The following CAMK1D variants were observed in gnomAD, a reference collection of about 807,000 sequenced individuals.
CAMK1D encodes calcium/calmodulin-dependent protein kinase type 1D.
In CAMK1D, 9 loss-of-function variants were observed where a neutral mutation model predicts 47.7. The observed-to-expected ratio is 0.19, with a 90% CI of 0.11 to 0.33. The LOEUF is 0.33. CAMK1D is among the 10% of genes least tolerant of loss of function. The pLI, the probability that CAMK1D is intolerant of heterozygous loss-of-function variation, is 1.00. For synonymous variants in CAMK1D, 184 were observed against 184.9 expected, an observed-to-expected ratio of 0.99 and a Z score of 0.04; for missense variants, 291 against 488.7, an observed-to-expected ratio of 0.60 and a Z score of 3.81.
intron 5 of CAMK1D, among the ~76,000 whole-genome samples, chr10:12,773,143 G>A (rs985885806): frequency 1.3e-5 from 2 of 152,224 alleles, no homozygotes; most frequent in African/African-American, 4.8e-5. Flanking sequence ...ACTGCACTGT[G>A]AGTCTCATGA....
chr10:12,816,924 A>G (rs930634177), intron 8 of CAMK1D, among the ~76,000 whole-genome samples: 1 of 151,974 alleles, frequency 6.6e-6, no homozygotes, highest in Non-Finnish European at 1.5e-5. Flanking sequence ...GCAATTTACA[A>G]AAGGAGGAGG....
chr10:12,505,218 T>G (rs1588564439), intron 1 of CAMK1D, among the ~76,000 whole-genome samples: 1 of 152,188 alleles, frequency 6.6e-6, no homozygotes, highest in South Asian at 2.1e-4. Flanking sequence ...AAAGTGAAAC[T>G]TGGAGGCCAC....
chr10:12,375,091 G>A (rs1434686728), intron 1 of CAMK1D, among the ~76,000 whole-genome samples: 5 of 152,092 alleles, frequency 3.3e-5, no homozygotes, highest in Non-Finnish European at 7.4e-5. Context: ...GCCACTCACT[G>A]CGCCTGAGCT....
At chr10:12,493,077 G>C (rs1262838391) in intron 1 of CAMK1D, among the ~76,000 whole-genome samples, 1 of 152,154 alleles carries the variant, frequency 6.6e-6, no homozygotes, top group Non-Finnish European at 1.5e-5. Flanking sequence ...TTGATAACAG[G>C]GCATTGTGGC....
At chr10:12,384,629 T>C (rs572058947) in intron 1 of CAMK1D, among the ~76,000 whole-genome samples, 9 of 152,144 alleles carry the variant, frequency 5.9e-5, no homozygotes, top group Non-Finnish European at 1.2e-4. Context: ...CAACTAGATA[T>C]TCGTATATGA....
intron 3 of CAMK1D, among the ~76,000 whole-genome samples, chr10:12,732,679 G>A (rs535419468): frequency 0.018 from 1,088 of 60,104 alleles, 25 homozygotes; most frequent in African/African-American, 0.064. Context: ...CGCCCCCCCC[G>A]CCCCCTGTCC....
chr10:12,371,343 A>G (rs7078758), intron 1 of CAMK1D, among the ~76,000 whole-genome samples: 2 of 152,122 alleles, frequency 1.3e-5, no homozygotes, highest in South Asian at 2.1e-4. Flanking sequence ...TTGGGAGGCC[A>G]AGGTGGGTAG....
intron 2 of CAMK1D, among the ~76,000 whole-genome samples, chr10:12,666,102 G>C (rs767952732): frequency 1.3e-5 from 2 of 151,984 alleles, no homozygotes; most frequent in African/African-American, 4.8e-5. Context: ...GGTGCTGCCT[G>C]TTTGAGAACC....
chr10:12,720,321 G>A (rs1834324767), intron 3 of CAMK1D, among the ~76,000 whole-genome samples: 1 of 152,188 alleles, frequency 6.6e-6, no homozygotes, highest in African/African-American at 2.4e-5. Flanking sequence ...AAGAGGCTGG[G>A]CATCAGAGCA....
At chr10:12,649,683 T>C (rs376310680) in intron 2 of CAMK1D, among the ~76,000 whole-genome samples, 5 of 152,166 alleles carry the variant, frequency 3.3e-5, no homozygotes, top group Middle Eastern at 3.4e-3. Context: ...CAAAAAAAAA[T>C]GTTGGTGAAA....
intron 2 of CAMK1D, among the ~76,000 whole-genome samples, chr10:12,604,566 G>A (rs984398518): frequency 3.3e-5 from 5 of 152,054 alleles, no homozygotes; most frequent in African/African-American, 1.2e-4. Context: ...AAACTTGAGG[G>A]CCACTTTTAA....
chr10:12,602,189 T>G (rs977616264), intron 2 of CAMK1D, among the ~76,000 whole-genome samples: 1 of 152,264 alleles, frequency 6.6e-6, no homozygotes, highest in Non-Finnish European at 1.5e-5. Flanking sequence ...AAGCCCTGTA[T>G]AAACTCATTT....
chr10:12,407,769 C>T (rs1269298214), intron 1 of CAMK1D, among the ~76,000 whole-genome samples: 1 of 151,404 alleles, frequency 6.6e-6, no homozygotes, highest in Non-Finnish European at 1.5e-5. Flanking sequence ...GATTCAAGCT[C>T]TAGGTACTTC....
intron 1 of CAMK1D, among the ~76,000 whole-genome samples, chr10:12,465,710 C>A (rs1401124853): frequency 2.6e-5 from 4 of 152,154 alleles, no homozygotes; most frequent in African/African-American, 7.2e-5. Context: ...GCAACCACCT[C>A]GTATTTTATC....
Position 12,720,572 on chromosome 10 carries a change from C to G in CAMK1D, c.300-40376C>G, listed in dbSNP as rs369209111. On this transcript the variant is annotated intron_variant, in intron 3 of 10. Transcript: ENST00000619168. ...GACGTGGTAGATAAGACTGTTGACA[C>G]ATTCTCTAATCTTAGCTAAGCAAAC... Among the ~76,000 whole-genome samples the G allele has an allele frequency of 4.2e-4, 64 of 152,322 alleles. 1 individual carries two copies. The South Asian group carries it at 0.011, about 27-fold the overall frequency.
chr10:12,736,731 A>G (rs1835207403), intron 3 of CAMK1D, among the ~76,000 whole-genome samples: 1 of 152,032 alleles, frequency 6.6e-6, no homozygotes, highest in Non-Finnish European at 1.5e-5. Context: ...GAATAGCACC[A>G]CCATCTCCCT....
intron 3 of CAMK1D, among the ~76,000 whole-genome samples, chr10:12,759,911 T>A (rs1836420567): frequency 6.6e-6 from 1 of 152,228 alleles, no homozygotes; most frequent in African/African-American, 2.4e-5. Context: ...TGTCTTTTGT[T>A]ATATCTGTGA....
At chr10:12,611,729 T>C (rs1424775190) in intron 2 of CAMK1D, among the ~76,000 whole-genome samples, 2 of 151,398 alleles carry the variant, frequency 1.3e-5, no homozygotes, top group East Asian at 3.9e-4. Context: ...GTAGCTGAGA[T>C]TACAGACACG....
intron 5 of CAMK1D, among the ~76,000 whole-genome samples, chr10:12,776,540 C>T (rs1019781161): frequency 6.6e-6 from 1 of 152,222 alleles, no homozygotes; most frequent in Non-Finnish European, 1.5e-5. Context: ...AGGCTGGGTT[C>T]CTGTGAGCCT....
Sources: gnomAD v4.1 joint callset for allele counts (sites outside exome capture counted in the v4.1 genomes callset) on GRCh38, gnomAD v4.1.1 for gene constraint, MANE v1.5 for transcripts, NCBI Gene and HGNC (gene_info 2026-07-23, HGNC 2026-07-21) for gene names.